TBL1XR1: variants seen among roughly 807,000 people sequenced by gnomAD.
TBL1XR1 encodes the protein F-box-like/WD repeat-containing protein TBL1XR1.
Under a neutral mutation model 66.9 loss-of-function variants are expected in TBL1XR1, and 5 were observed. The ratio of observed to expected loss-of-function variants is 0.07; its 90% CI spans 0.04 to 0.16. TBL1XR1 has a LOEUF of 0.16. Ranked by LOEUF, TBL1XR1 falls within the 10% of genes least tolerant of loss-of-function variation. TBL1XR1 has a pLI of 1.00. For synonymous variants in TBL1XR1, 210 were observed against 206.0 expected (o/e 1.02, Z -0.17); for missense variants, 238 against 623.2 (o/e 0.38, Z 6.58).
chr3:177,183,782 A>G (rs1191023497), intron 1 of TBL1XR1, among the ~76,000 whole-genome samples: 1 of 151,710 alleles, frequency 6.6e-6, no homozygotes, highest in Non-Finnish European at 1.5e-5. Context: ...TTTATTTTTA[A>G]GAAAGGTACA....
At chr3:177,063,207 T>C (rs1463637900) in intron 3 of TBL1XR1, among the ~76,000 whole-genome samples, 1 of 152,216 alleles carries the variant, frequency 6.6e-6, no homozygotes, top group South Asian at 2.1e-4. Context: ...TTACTGCTCC[T>C]TTTTACTGTT....
chr3:177,110,531 TCAG>T, intron 1 of TBL1XR1, among the ~76,000 whole-genome samples: 1 of 152,304 alleles, frequency 6.6e-6, no homozygotes, highest in East Asian at 1.9e-4. Context: ...TCACTATTCT[TCAG>T]CAGAAGACAA....
intron 1 of TBL1XR1, among the ~76,000 whole-genome samples, chr3:177,129,946 A>G (rs1329798940): frequency 1.3e-5 from 2 of 152,192 alleles, no homozygotes; most frequent in South Asian, 4.1e-4. Flanking sequence ...GGAGTTTAAG[A>G]CCAGCCTGGC....
chr3:177,071,074 A>G (rs1577077273), intron 2 of TBL1XR1, among the ~76,000 whole-genome samples: 1 of 116,860 alleles, frequency 8.6e-6, no homozygotes, highest in Admixed American at 1.1e-4. Flanking sequence ...TCTGTTGCCC[A>G]GGCTAGAGTG....
chr3:177,026,682 C>T (rs1713173380), intron 14 of TBL1XR1: 1 of 467,770 alleles, frequency 2.1e-6, no homozygotes, highest in Non-Finnish European at 3.7e-6. Flanking sequence ...AGATTACTCA[C>T]ACACATATTC....
At chr3:177,079,622 T>A (rs1721151787) in intron 2 of TBL1XR1, 1 of 151,766 alleles carries the variant, frequency 6.6e-6, no homozygotes, top group Non-Finnish European at 1.5e-5. Flanking sequence ...CCTCTGAAAG[T>A]TTAACTCTTA....
intron 1 of TBL1XR1, among the ~76,000 whole-genome samples, chr3:177,113,196 C>T (rs1225151423): frequency 6.6e-6 from 1 of 151,402 alleles, no homozygotes; most frequent in Non-Finnish European, 1.5e-5. Context: ...CCTTATCTTT[C>T]ACCATATACA....
intron 1 of TBL1XR1, among the ~76,000 whole-genome samples, chr3:177,147,393 G>C (rs1162578736): frequency 6.6e-6 from 1 of 152,146 alleles, no homozygotes; most frequent in Admixed American, 6.6e-5. Context: ...TGGTGCTGCA[G>C]AACATAGTTT....
In TBL1XR1 at chr3:177,057,056, G is replaced by A. The variant is rs1337871456; in HGVS notation, c.59-3138C>T. ...GTCAAACGCCTAATTATGGCACACA[G>A]TTGTTTCTGTAATCTGGCTCTTCTG... is the stretch of plus-strand genomic sequence containing the variant. On this transcript the variant is annotated intron_variant, in intron 3 of 15. Transcript: ENST00000457928. 2.0e-5 allele frequency among the ~76,000 whole-genome samples: 3 copies of A among 152,256 alleles called. No individual in the cohort carries two copies. In the East Asian group the frequency reaches 5.8e-4, roughly 29 times the overall value.
chr3:177,055,938 C>T (rs905841362), intron 3 of TBL1XR1, among the ~76,000 whole-genome samples: 2 of 152,184 alleles, frequency 1.3e-5, no homozygotes, highest in African/African-American at 4.8e-5. Flanking sequence ...TGGAAAATCA[C>T]AACTAATAAA....
intron 2 of TBL1XR1, among the ~76,000 whole-genome samples, chr3:177,076,334 T>C (rs960009062): frequency 1.5e-4 from 23 of 152,242 alleles, no homozygotes; most frequent in African/African-American, 5.5e-4. Flanking sequence ...TCTAGTCACT[T>C]TGCCATGTTC....
At chr3:177,150,499 C>T (rs1292758279) in intron 1 of TBL1XR1, among the ~76,000 whole-genome samples, 1 of 152,198 alleles carries the variant, frequency 6.6e-6, no homozygotes, top group Non-Finnish European at 1.5e-5. Flanking sequence ...GTGTCTAATC[C>T]TTTCCTCCTC....
At chr3:177,181,323 T>C (rs1441164833) in intron 1 of TBL1XR1, among the ~76,000 whole-genome samples, 1 of 151,512 alleles carries the variant, frequency 6.6e-6, no homozygotes, top group Non-Finnish European at 1.5e-5. Context: ...CTACTAGTAA[T>C]ACAAAAATTA....
In TBL1XR1 at chr3:177,188,890, A is replaced by G. The variant is rs149496352; in HGVS notation, c.-122+8231T>C. 4.6e-5 allele frequency among the ~76,000 whole-genome samples: 7 copies of G among 152,346 alleles called. No individual in the cohort carries two copies. The East Asian group carries it at 1.3e-3, about 29-fold the overall frequency. On this transcript the variant is annotated intron_variant, in intron 1 of 15. Transcript: ENST00000457928. ...TTTGTTTGATTCAAAATCATGCTGA[A>G]AAGCTTACATTCTATACATAAATAT...
intron 2 of TBL1XR1, among the ~76,000 whole-genome samples, chr3:177,088,948 A>G (rs1211703913): frequency 1.3e-5 from 2 of 152,324 alleles, no homozygotes; most frequent in East Asian, 3.9e-4. Context: ...AGTAAATAGA[A>G]CAAATTAATT....
intron 12 of TBL1XR1, among the ~76,000 whole-genome samples, chr3:177,036,765 G>A (rs545838053): frequency 2.6e-5 from 4 of 152,230 alleles, no homozygotes; most frequent in East Asian, 3.9e-4. Context: ...CACAAGTTTC[G>A]CAAAGTTAAA....
At chr3:177,095,753 G>A (rs1294427426) in intron 2 of TBL1XR1, among the ~76,000 whole-genome samples, 2 of 152,146 alleles carry the variant, frequency 1.3e-5, no homozygotes, top group Non-Finnish European at 2.9e-5. Context: ...AAAGTGCTGG[G>A]ATTATAGGCA....
intron 1 of TBL1XR1, among the ~76,000 whole-genome samples, chr3:177,179,417 G>A (rs917837702): frequency 3.3e-5 from 5 of 152,170 alleles, no homozygotes; most frequent in Admixed American, 2.0e-4. Context: ...AGCCTATTCC[G>A]GATACAGACA....
intron 2 of TBL1XR1, among the ~76,000 whole-genome samples, chr3:177,090,710 C>A (rs183081100): frequency 6.6e-6 from 1 of 152,056 alleles, no homozygotes; most frequent in Non-Finnish European, 1.5e-5. Context: ...GCCCAGGAGG[C>A]CAAGGCAAGA....
Sources: gnomAD v4.1 joint callset for allele counts (sites outside exome capture counted in the v4.1 genomes callset) on GRCh38, gnomAD v4.1.1 for gene constraint, MANE v1.5 for transcripts, NCBI Gene and HGNC (gene_info 2026-07-23, HGNC 2026-07-21) for gene names.